Variants in MAST4 observed in about 807,000 individuals in gnomAD.
The protein encoded by MAST4 is microtubule associated serine/threonine kinase family member 4.
Under a neutral mutation model 162.7 loss-of-function variants are expected in MAST4, and 89 were observed. That is an observed-to-expected ratio of 0.55 (90% confidence interval 0.46 to 0.65). The LOEUF is 0.65. Among genes scored for constraint, MAST4 ranks in the 30% least tolerant of loss-of-function variants. The probability of loss-of-function intolerance (pLI) is 0.00; values close to 1 mark genes in which losing one functional copy is unlikely to be tolerated. For synonymous variants in MAST4, 1,479 were observed against 1,361.1 expected, an observed-to-expected ratio of 1.09 and a Z score of -1.91; for missense variants, 3,153 against 3,374.0, an observed-to-expected ratio of 0.93 and a Z score of 1.62.
intron 9 of MAST4, among the ~76,000 whole-genome samples, chr5:67,103,646 A>G (rs1192959453): frequency 1.3e-5 from 2 of 152,210 alleles, no homozygotes; most frequent in Non-Finnish European, 2.9e-5. Flanking sequence ...TTATTTTACC[A>G]AGGGAGTCCC....
chr5:66,672,409 C>T (rs1406820540), intron 1 of MAST4, among the ~76,000 whole-genome samples: 2 of 152,054 alleles, frequency 1.3e-5, no homozygotes, highest in African/African-American at 4.8e-5. Flanking sequence ...TAATGTACAT[C>T]TTTTTATTTG....
chr5:66,997,248 A>G (rs1231913473), intron 4 of MAST4, among the ~76,000 whole-genome samples: 1 of 152,088 alleles, frequency 6.6e-6, no homozygotes, highest in Non-Finnish European at 1.5e-5. Flanking sequence ...ATGTATATAT[A>G]TGTATGTGAC....
intron 3 of MAST4, among the ~76,000 whole-genome samples, chr5:66,810,396 G>A (rs181209645): frequency 2.8e-4 from 43 of 152,252 alleles, no homozygotes; most frequent in Non-Finnish European, 5.3e-4. Flanking sequence ...CACTTCCAAG[G>A]TCCCCCTGGG....
In MAST4 at chr5:67,163,683, G is replaced by T. The variant is rs569286544; in HGVS notation, c.4504G>T (p.Ala1502Ser). Reference protein sequence around the residue: ...NVCDVPPLSRARPVEQGCLKR... With the variant: ...NVCDVPPLSRSRPVEQGCLKR... The stretch of plus-strand genomic sequence containing the variant: ...GTGCGACGTGCCGCCGCTCAGCCGC[G>T]CCCGGCCAGTGGAGCAAGGCTGCCT... Residue 1502 changes from alanine to serine, a missense_variant, in exon 29 of 29, where the codon GCC (alanine) becomes TCC (serine). By Grantham distance (99) the Ala-to-Ser change is moderately conservative (BLOSUM62 1). This residue lies in a region of MAST4 where 1,644 missense variants were observed against 1,495.0 expected (regional missense o/e 1.10). Coordinates refer to ENST00000403625, the MANE Select transcript of MAST4 (RefSeq NM_001164664.2). This position sits in a 1 kb window ranked among gnomAD's most constrained non-coding sequence, Gnocchi z 7.0. The T allele has an allele frequency of 1.9e-6, 3 of 1,608,640 alleles. No homozygotes were observed. Among genetic ancestry groups the T allele is most frequent in the African/African-American group, 2.7e-5 (2 of 74,834 alleles).
At chr5:66,775,206 A>C (rs1032505077) in intron 2 of MAST4, among the ~76,000 whole-genome samples, 1 of 152,150 alleles carries the variant, frequency 6.6e-6, no homozygotes, top group African/African-American at 2.4e-5. Context: ...GATTTAATGC[A>C]TTTAATGAAA....
intron 16 of MAST4, among the ~76,000 whole-genome samples, chr5:67,132,666 C>CATCAT (rs1219621051): frequency 2.1e-4 from 32 of 152,200 alleles, no homozygotes; most frequent in Admixed American, 2.0e-3. Flanking sequence ...TTCATCTTGA[C>CATCAT]ATCATTTATT....
chr5:67,023,879 A>G (rs1158651802), intron 4 of MAST4, among the ~76,000 whole-genome samples: 4 of 151,648 alleles, frequency 2.6e-5, no homozygotes, highest in Non-Finnish European at 5.9e-5. Context: ...CATTCTGTTC[A>G]TGTCTTTTAT....
chr5:67,121,245 G>A, intron 14 of MAST4, 143 bp downstream of exon 14: 1 of 544,506 alleles, frequency 1.8e-6, no homozygotes, highest in East Asian at 3.2e-5. Flanking sequence ...GGCTTGTACT[G>A]TGCAGCCAAA....
chr5:66,728,476 C>A (rs773290586), intron 1 of MAST4, among the ~76,000 whole-genome samples: 5 of 152,114 alleles, frequency 3.3e-5, no homozygotes, highest in Admixed American at 6.5e-5. Context: ...ATATACATAT[C>A]TATAATATGG....
intron 25 of MAST4, 40 bp downstream of exon 25, chr5:67,152,906 C>T (rs1772017294): frequency 1.3e-6 from 2 of 1,545,208 alleles, no homozygotes; most frequent in African/African-American, 1.4e-5. Flanking sequence ...TTTTCATTTC[C>T]AGCCAAGCTG....
At chr5:66,892,903 T>G (rs761481255) in intron 3 of MAST4, among the ~76,000 whole-genome samples, 4 of 152,202 alleles carry the variant, frequency 2.6e-5, no homozygotes, top group Non-Finnish European at 5.9e-5. Flanking sequence ...GCTGATTTTG[T>G]GATGAAGCTT....
chr5:66,906,873 G>A (rs781551209), intron 4 of MAST4, among the ~76,000 whole-genome samples: 5 of 152,124 alleles, frequency 3.3e-5, no homozygotes, highest in Non-Finnish European at 7.3e-5. Context: ...CCAGAGATGA[G>A]ATGGAAGATG....
chr5:67,094,110 CTTTT>C (rs201598167), intron 6 of MAST4: 17 of 1,335,444 alleles, frequency 1.3e-5, no homozygotes, highest in Non-Finnish European at 1.6e-5. Flanking sequence ...TACTTTGCTT[CTTTT>C]TTTTAACATA....
chr5:67,131,702 A>G (rs1486741470), intron 15 of MAST4, 111 bp from the exon 16 acceptor site: 23 of 1,031,988 alleles, frequency 2.2e-5, no homozygotes, highest in Non-Finnish European at 3.0e-5. Flanking sequence ...TGACTATGAT[A>G]TGCTGTGTCT....
At chr5:67,032,234 T>A (rs1211457040) in intron 4 of MAST4, among the ~76,000 whole-genome samples, 3 of 152,164 alleles carry the variant, frequency 2.0e-5, no homozygotes, top group Non-Finnish European at 2.9e-5. Flanking sequence ...CAATCTCTGC[T>A]TTCTAATGAA....
chr5:67,114,596 T>A (rs576459405), intron 12 of MAST4: 1 of 189,360 alleles, frequency 5.3e-6, no homozygotes, highest in South Asian at 1.2e-4. Context: ...GAAATTATCA[T>A]TAATTAAACT....
rs1041796724 is a variant in MAST4, at chr5:66,759,694, T to G, written c.364-15T>G. 1 of 1,613,238 alleles carries G rather than the reference T, an allele frequency of 6.2e-7. No homozygotes were observed. Among genetic ancestry groups the G allele is most frequent in the Non-Finnish European group, 8.5e-7 (1 of 1,179,492 alleles). On this transcript the variant is annotated splice_polypyrimidine_tract_variant and intron_variant, in intron 1 of 28. Transcript: ENST00000403625. ...GATGCCCTAGCCAGTGATGCCATTC[T>G]TCCTCTTTCTGCAGCTTGACCACAT... is the stretch of plus-strand genomic sequence containing the variant.
Position 66,961,844 on chromosome 5 carries a change from T to C in MAST4, c.674+61862T>C, listed in dbSNP as rs1042255835. On this transcript the variant is annotated intron_variant, in intron 4 of 28. Coordinates refer to ENST00000403625, the MANE Select transcript of MAST4 (RefSeq NM_001164664.2). ...AGAGCTTTCCAATGAGCTGCTAAGTTAGAGTACAGCATGTTTAAGAGCAGC... is the reference window on the plus strand; with the variant it reads ...AGAGCTTTCCAATGAGCTGCTAAGTCAGAGTACAGCATGTTTAAGAGCAGC... 3.9e-5 allele frequency among the ~76,000 whole-genome samples: 6 copies of C among 152,300 alleles called. No homozygotes were observed. In the East Asian group the frequency reaches 7.7e-4, roughly 20 times the overall value.
intron 3 of MAST4, among the ~76,000 whole-genome samples, chr5:66,825,706 A>G (rs545681086): frequency 1.3e-5 from 2 of 152,196 alleles, no homozygotes; most frequent in Admixed American, 6.5e-5. Context: ...TGAGTATTCC[A>G]GGAAGTAAAT....
Sources: gnomAD v4.1 joint callset for allele counts (sites outside exome capture counted in the v4.1 genomes callset) on GRCh38, gnomAD v4.1.1 for gene constraint, gnomAD v4.1.1 regional missense constraint, Gnocchi (gnomAD v3.1) non-coding constraint, MANE v1.5 for transcripts, NCBI Gene and HGNC (gene_info 2026-07-23, HGNC 2026-07-21) for gene names.